PIWIL3: variants seen among roughly 807,000 people sequenced by gnomAD.
PIWIL3 encodes the protein piwi-like protein 3.
Under a neutral mutation model 109.7 loss-of-function variants are expected in PIWIL3, and 101 were observed. That is an observed-to-expected ratio of 0.92 (90% CI 0.78 to 1.09). The LOEUF is 1.09. Among genes scored for constraint, PIWIL3 ranks in the 50% least tolerant of loss-of-function variants. PIWIL3 has a pLI of 0.00. For missense variants in PIWIL3, 1,031 were observed against 1,072.6 expected (o/e 0.96, Z 0.54); for synonymous variants, 373 against 376.4 (o/e 0.99, Z 0.10).
chr22:24,736,929 A>T (rs1923691701), intron 12 of PIWIL3, among the ~76,000 whole-genome samples: 1 of 152,188 alleles, frequency 6.6e-6, no homozygotes, highest in South Asian at 2.1e-4. Flanking sequence ...TCAGAGCTCG[A>T]GTTCTGGAAA....
intron 12 of PIWIL3, among the ~76,000 whole-genome samples, chr22:24,743,907 C>A (rs1183298109): frequency 1.3e-5 from 2 of 151,934 alleles, no homozygotes; most frequent in East Asian, 1.9e-4. Context: ...TGTTTGCAAG[C>A]AGTGTTGTCG....
At chr22:24,747,787 G>A (rs1924460791) in intron 12 of PIWIL3, among the ~76,000 whole-genome samples, 1 of 152,166 alleles carries the variant, frequency 6.6e-6, no homozygotes, top group South Asian at 2.1e-4. Flanking sequence ...AATAACAAAT[G>A]TTGGTAAGGA....
chr22:24,740,217 T>TAAAA (rs1601833489), intron 12 of PIWIL3, among the ~76,000 whole-genome samples: 2 of 21,124 alleles, frequency 9.5e-5, no homozygotes, highest in African/African-American at 3.0e-4. Flanking sequence ...GGAGACTGTC[T>TAAAA]CAAAAAAAAA....
rs1385852742 is a variant in PIWIL3 at position 24,751,540 on chromosome 22, C to T, written c.978-42G>A. 3.1e-6 allele frequency: 5 copies of T among 1,591,596 alleles called. No individual in the cohort carries two copies. In the African/African-American group the frequency reaches 5.4e-5, roughly 17 times the overall value. On this transcript the variant is annotated intron_variant, in intron 8 of 20. Coordinates refer to ENST00000616349, the MANE Select transcript of PIWIL3 (RefSeq NM_001255975.1). ...ATATGGTATTATTTGACTTATTCAT[C>T]ACATGGAACCATCCACACAGAAAAT... is the stretch of plus-strand genomic sequence containing the variant.
chr22:24,749,688 A>G lies in PIWIL3; in HGVS notation c.1216+5T>C, dbSNP rs918586489. On this transcript the variant is annotated splice_donor_5th_base_variant and intron_variant, in intron 10 of 20. Coordinates refer to ENST00000616349, the MANE Select transcript of PIWIL3 (RefSeq NM_001255975.1). Reference sequence around the variant, plus strand: ...CTTTAAAGAGGGGCTGTAATCCATCAGTACCTGTCATGTGGCACAGCTGAG... The same window carrying G: ...CTTTAAAGAGGGGCTGTAATCCATCGGTACCTGTCATGTGGCACAGCTGAG... 1.2e-6 allele frequency: 2 copies of G among 1,614,064 alleles called. No homozygotes were observed. The highest frequency in any genetic ancestry group is 1.3e-5 in the African/African-American group (1 of 74,920).
At chr22:24,768,560 C>T (rs557121017) in intron 1 of PIWIL3, among the ~76,000 whole-genome samples, 2 of 152,180 alleles carry the variant, frequency 1.3e-5, no homozygotes, top group Non-Finnish European at 2.9e-5. Flanking sequence ...CCTGTTTTCC[C>T]TTTTTCATTC....
intron 16 of PIWIL3, among the ~76,000 whole-genome samples, chr22:24,726,880 T>G (rs1445678466): frequency 6.6e-6 from 1 of 152,182 alleles, no homozygotes; most frequent in African/African-American, 2.4e-5. Flanking sequence ...CAGAGGTAAT[T>G]TGCAGGACAT....
intron 19 of PIWIL3, 66 bp from the exon 20 acceptor site, chr22:24,719,961 CTGAAA>C: frequency 7.5e-7 from 1 of 1,327,444 alleles, no homozygotes; most frequent in Non-Finnish European, 1.0e-6. Flanking sequence ...AACTTAATGT[CTGAAA>C]TGAAAACATT....
intron 16 of PIWIL3, 67 bp downstream of exon 16, chr22:24,727,883 A>T: frequency 8.0e-7 from 1 of 1,245,390 alleles, no homozygotes; most frequent in Non-Finnish European, 1.1e-6. Flanking sequence ...CATATTAATT[A>T]GGTTCATCTT....
chr22:24,753,475 T>C (rs1034135104), intron 8 of PIWIL3, among the ~76,000 whole-genome samples: 4 of 152,236 alleles, frequency 2.6e-5, no homozygotes, highest in African/African-American at 7.2e-5. Context: ...CTCTATTTCA[T>C]TGGTCTCTGT....
At chr22:24,769,536 T>A (rs1325371861) in intron 1 of PIWIL3, 1 of 151,866 alleles carries the variant, frequency 6.6e-6, no homozygotes, top group Non-Finnish European at 1.5e-5. Flanking sequence ...GGCGTGGACC[T>A]GGGAGGCAGA....
chr22:24,771,953 C>G (rs532835312), intron 1 of PIWIL3, among the ~76,000 whole-genome samples: 1 of 152,320 alleles, frequency 6.6e-6, no homozygotes, highest in South Asian at 2.1e-4. Context: ...ATTGGCCTCC[C>G]AAAGTGCTGG....
Position 24,757,900 on chromosome 22 carries a change from C to T in PIWIL3, c.355+8G>A. ...GCTCCATAAACATTGAGTTCTAGAC[C>T]AACATACCTGTTTTTGAGTCTTTAA... On this transcript the variant is annotated splice_region_variant and intron_variant, in intron 4 of 20. Coordinates refer to ENST00000616349, the MANE Select transcript of PIWIL3 (RefSeq NM_001255975.1). 1.9e-6 allele frequency: 3 copies of T among 1,593,334 alleles called. No homozygotes were observed. The highest frequency in any genetic ancestry group is 2.6e-6 in the Non-Finnish European group (3 of 1,174,332).
chr22:24,761,317 A>G (rs572004502), intron 2 of PIWIL3, among the ~76,000 whole-genome samples: 1 of 152,258 alleles, frequency 6.6e-6, no homozygotes, highest in South Asian at 2.1e-4. Context: ...GAACTCCACA[A>G]AGGAGAGCAA....
intron 16 of PIWIL3, among the ~76,000 whole-genome samples, chr22:24,727,147 T>C (rs1923046670): frequency 6.6e-6 from 1 of 152,256 alleles, no homozygotes; most frequent in African/African-American, 2.4e-5. Context: ...TATTTCACTA[T>C]GTGTTAATGA....
At chr22:24,750,950 C>G (rs1924672246) in intron 9 of PIWIL3, among the ~76,000 whole-genome samples, 2 of 151,372 alleles carry the variant, frequency 1.3e-5, no homozygotes, top group Admixed American at 1.3e-4. Context: ...ATGGTGAAAC[C>G]CCGTCTCTAC....
At chr22:24,761,544 A>G (rs1204732795) in intron 2 of PIWIL3, among the ~76,000 whole-genome samples, 1 of 152,200 alleles carries the variant, frequency 6.6e-6, no homozygotes, top group Non-Finnish European at 1.5e-5. Context: ...ATTTAGGAGA[A>G]CACACACCTG....
Position 24,756,620 on chromosome 22 carries a change from A to G in PIWIL3, c.441T>C (p.Val147=). Residue 147 remains valine, a synonymous_variant, in exon 5 of 21, where the codon GTT becomes GTC. Transcript: ENST00000616349. ...CATCTTCTATGTCTGGTTTGTAGTCAACGTTGTATTTATATGCAACCCACT... is the reference window on the plus strand; with the variant it reads ...CATCTTCTATGTCTGGTTTGTAGTCGACGTTGTATTTATATGCAACCCACT... ...RPQWVAYKYN[V]DYKPDIEDGN... 1 of 1,614,032 alleles carries G rather than the reference A, an allele frequency of 6.2e-7. No individual in the cohort carries two copies. The highest frequency in any genetic ancestry group is 8.5e-7 in the Non-Finnish European group (1 of 1,179,910).
rs61469163 is a variant in PIWIL3 at position 24,760,780 on chromosome 22, C to CAAAAAAAAAAAAAAAAAAAAAAAAAAAAA, written c.103-792_103-791insTTTTTTTTTTTTTTTTTTTTTTTTTTTTT. 5.1e-4 allele frequency among the ~76,000 whole-genome samples: 21 copies of CAAAAAAAAAAAAAAAAAAAAAAAAAAAAA among 41,024 alleles called. 1 individual carries two copies. Among genetic ancestry groups the CAAAAAAAAAAAAAAAAAAAAAAAAAAAAA allele is most frequent in the Admixed American group, 6.1e-4 (2 of 3,272 alleles). 26.9% of individuals were successfully genotyped at this position (41,024 alleles called of 152,430 possible). A position where few individuals can be genotyped will look rare whatever the true frequency, so the allele number is the denominator to read the frequency against. On this transcript the variant is annotated intron_variant, in intron 2 of 20. Transcript: ENST00000616349. ...GGGCAACAAGAGCGAAACTCTGTCTCAAAAAAAAAAAAAAAAAAAAAAAGC... is the reference window on the plus strand; with the variant it reads ...GGGCAACAAGAGCGAAACTCTGTCTCAAAAAAAAAAAAAAAAAAAAAAAAAAAAAAAAAAAAAAAAAAAAAAAAAAAAGC...
Sources: allele counts gnomAD v4.1 joint callset (sites outside exome capture counted in the v4.1 genomes callset), GRCh38; gene constraint gnomAD v4.1.1; transcripts MANE v1.5; gene names NCBI Gene and HGNC (gene_info 2026-07-23, HGNC 2026-07-21).